Variants in CECR2 observed in about 807,000 individuals in gnomAD.
CECR2 encodes chromatin remodeling regulator CECR2.
In CECR2, 30 loss-of-function variants were observed where a neutral mutation model predicts 154.5. The observed-to-expected ratio is 0.19, with a 90% CI of 0.15 to 0.26. The LOEUF is 0.26. Among genes scored for constraint, CECR2 ranks in the 10% least tolerant of loss-of-function variants. The pLI is 1.00. For synonymous variants in CECR2, 725 were observed against 683.7 expected, an observed-to-expected ratio of 1.06 and a Z score of -0.94; for missense variants, 1,743 against 1,829.3, an observed-to-expected ratio of 0.95 and a Z score of 0.86.
At chr22:17,449,741 G>A (rs556683397) in intron 1 of CECR2, among the ~76,000 whole-genome samples, 21 of 151,664 alleles carry the variant, frequency 1.4e-4, no homozygotes, top group African/African-American at 4.4e-4. Flanking sequence ...TGCCCGCCTC[G>A]GCCTCCCAAA....
At chr22:17,475,904 C>T (rs80053119) in intron 1 of CECR2, among the ~76,000 whole-genome samples, 1 of 151,884 alleles carries the variant, frequency 6.6e-6, no homozygotes, top group Non-Finnish European at 1.5e-5. Flanking sequence ...CATCTCCCCT[C>T]CCACCCTCTA....
At position 17,438,493 on chromosome 22, in the gene CECR2, A is replaced by G. The variant is rs1039979818; in HGVS notation, c.127-39095A>G. Among the ~76,000 whole-genome samples, 4 of 152,242 alleles carry G rather than the reference A, an allele frequency of 2.6e-5. 1 individual carries two copies. Among genetic ancestry groups the G allele is most frequent in the Admixed American group, 2.6e-4 (4 of 15,290 alleles). On this transcript the variant is annotated intron_variant, in intron 1 of 18. Coordinates refer to ENST00000262608, the MANE Select transcript of CECR2 (RefSeq NM_001290047.2). ...ACAACTTACTCAATTTAACATCAAA[A>G]TGAGCCCAAAATGTTTTCCCATAAG...
intron 1 of CECR2, among the ~76,000 whole-genome samples, chr22:17,382,170 G>C (rs112011994): frequency 2.7e-4 from 41 of 151,926 alleles, no homozygotes; most frequent in Non-Finnish European, 4.7e-4. Context: ...GATTACAGGC[G>C]TGAGCCACTG....
chr22:17,488,968 GA>G (rs2055475319), intron 2 of CECR2, among the ~76,000 whole-genome samples: 1 of 152,116 alleles, frequency 6.6e-6, no homozygotes, highest in African/African-American at 2.4e-5. Flanking sequence ...TTATTTGTTT[GA>G]GACAAGAGTT....
chr22:17,507,643 T>C (rs146704532), intron 7 of CECR2, among the ~76,000 whole-genome samples: 1 of 152,304 alleles, frequency 6.6e-6, no homozygotes, highest in East Asian at 1.9e-4. Flanking sequence ...TGATTTTGAT[T>C]AAAAATTTCA....
intron 9 of CECR2, among the ~76,000 whole-genome samples, chr22:17,532,971 C>G (rs1018371240): frequency 5.9e-5 from 9 of 151,418 alleles, no homozygotes; most frequent in African/African-American, 1.9e-4. Flanking sequence ...TCCACTGCGC[C>G]TAGCCGCTCA....
chr22:17,543,844 C>T (rs570428524), intron 16 of CECR2, among the ~76,000 whole-genome samples: 1 of 152,274 alleles, frequency 6.6e-6, no homozygotes, highest in Non-Finnish European at 1.5e-5. Context: ...CAGGCATGAG[C>T]CTTCCAGAGA....
At chr22:17,526,499 A>G (rs2056267104) in intron 9 of CECR2, among the ~76,000 whole-genome samples, 1 of 152,174 alleles carries the variant, frequency 6.6e-6, no homozygotes, top group Non-Finnish European at 1.5e-5. Flanking sequence ...ACAAAAATAA[A>G]ATCAAAGTGG....
At chr22:17,403,181 T>G (rs921807342) in intron 1 of CECR2, among the ~76,000 whole-genome samples, 1 of 152,248 alleles carries the variant, frequency 6.6e-6, no homozygotes, top group Non-Finnish European at 1.5e-5. Flanking sequence ...TAATACTGTT[T>G]ACTTAGCTGC....
chr22:17,548,449 G>T lies in CECR2; in HGVS notation c.3162G>T (p.Glu1054Asp), dbSNP rs1344217120. The T allele has an allele frequency of 6.2e-7, 1 of 1,613,940 alleles. No individual in the cohort carries two copies. The highest frequency in any genetic ancestry group is 1.3e-5 in the African/African-American group (1 of 74,956). Residue 1054 changes from glutamate (E) to aspartate (D), a missense_variant, in exon 17 of 19, where the codon GAG becomes GAT. Coordinates refer to ENST00000262608, the MANE Select transcript of CECR2 (RefSeq NM_001290047.2). ...TGGCAGACAGGGGCGCTCTATCCGA[G>T]AACGGAGTCATTGGGGAAGCATCTC... is the stretch of plus-strand genomic sequence containing the variant. ...STVADRGALS[E>D]NGVIGEASPC...
At position 17,442,476 on chromosome 22, in the gene CECR2, C is replaced by T. The variant is rs573469053; in HGVS notation, c.127-35112C>T. ...TTGTAGTCCTAGCTACTAGGGAGGC[C>T]GAGGCAGGAGGATCACTGGAGCCCA... is the stretch of plus-strand genomic sequence containing the variant. On this transcript the variant is annotated intron_variant, in intron 1 of 18. Transcript: ENST00000262608. Among the ~76,000 whole-genome samples, 77 of 152,202 alleles carry T rather than the reference C, an allele frequency of 5.1e-4. 2 individuals carry two copies. Among genetic ancestry groups the T allele is most frequent in the Admixed American group, 4.0e-3 (61 of 15,280 alleles).
chr22:17,548,883 G>T lies in CECR2; in HGVS notation c.3596G>T (p.Arg1199Leu). 1 of 1,613,028 alleles carries T rather than the reference G, an allele frequency of 6.2e-7. No homozygotes were observed. Among genetic ancestry groups the T allele is most frequent in the Non-Finnish European group, 8.5e-7 (1 of 1,179,330 alleles). The change falls in exon 17 of 19, where the codon CGA (arginine) becomes CTA (leucine). Residue 1199 changes from arginine (R) to leucine (L), a missense_variant. Arg to Leu is a moderately radical substitution (Grantham distance 102). Around this residue, in one of 4 missense-constraint regions of CECR2, gnomAD observed 1,250 missense variants for 1,192.1 expected, o/e 1.05. Coordinates refer to ENST00000262608, the MANE Select transcript of CECR2 (RefSeq NM_001290047.2). Reference sequence around the variant, plus strand: ...CAGCCTTCCTACCACCACTATCAGCGAACTCCTTACTATGCCTGTCCACAG... The same window carrying T: ...CAGCCTTCCTACCACCACTATCAGCTAACTCCTTACTATGCCTGTCCACAG... Reference protein sequence around the residue: ...PPQPSYHHYQRTPYYACPQSF... With the variant: ...PPQPSYHHYQLTPYYACPQSF...
chr22:17,376,265 C>T (rs1369752622), intron 1 of CECR2, among the ~76,000 whole-genome samples: 1 of 152,176 alleles, frequency 6.6e-6, no homozygotes, highest in African/African-American at 2.4e-5. Flanking sequence ...GCTTCAAAGG[C>T]TTCACAGTTG....
chr22:17,495,082 T>G (rs2055599125), intron 2 of CECR2, among the ~76,000 whole-genome samples: 1 of 152,218 alleles, frequency 6.6e-6, no homozygotes, highest in Admixed American at 6.5e-5. Flanking sequence ...TACCATAGAT[T>G]ATAAGTCAAC....
chr22:17,542,435 G>A lies in CECR2; in HGVS notation c.2292G>A (p.Lys764=). The change falls in exon 16 of 19, where the codon AAG becomes AAA. Residue 764 remains lysine (K), a synonymous_variant. Coordinates refer to ENST00000262608, the MANE Select transcript of CECR2 (RefSeq NM_001290047.2). ...CCAGCCATATGTATCGATCGTACAA[G>A]TACCTGAATCGAGTACACTCTGCCG... ...IPPSHMYRSY[K]YLNRVHSAVW... The A allele has an allele frequency of 6.2e-7, 1 of 1,613,934 alleles. No homozygotes were observed. The highest frequency in any genetic ancestry group is 8.5e-7 in the Non-Finnish European group (1 of 1,179,890).
At chr22:17,377,049 T>C (rs1204825922) in intron 1 of CECR2, among the ~76,000 whole-genome samples, 1 of 152,202 alleles carries the variant, frequency 6.6e-6, no homozygotes, top group Non-Finnish European at 1.5e-5. Flanking sequence ...ATCTATAGAC[T>C]CAGTGATTCC....
At chr22:17,478,233 A>C (rs1307739801) in intron 2 of CECR2, among the ~76,000 whole-genome samples, 2 of 152,174 alleles carry the variant, frequency 1.3e-5, no homozygotes, top group Non-Finnish European at 2.9e-5. Context: ...ACAGAACTAC[A>C]GGGCAAACTC....
At chr22:17,450,648 C>A (rs1006898611) in intron 1 of CECR2, among the ~76,000 whole-genome samples, 1 of 152,246 alleles carries the variant, frequency 6.6e-6, no homozygotes, top group Non-Finnish European at 1.5e-5. Flanking sequence ...TGTGCGTATA[C>A]AACCATTATC....
intron 1 of CECR2, among the ~76,000 whole-genome samples, chr22:17,361,989 T>C (rs116377571): frequency 1.3e-3 from 200 of 152,086 alleles, no homozygotes; most frequent in African/African-American, 4.5e-3. Context: ...TAGGCCATAG[T>C]GGTTAGGGAA....
Sources: gnomAD v4.1 joint callset for allele counts (sites outside exome capture counted in the v4.1 genomes callset) on GRCh38, gnomAD v4.1.1 for gene constraint, gnomAD v4.1.1 regional missense constraint, MANE v1.5 for transcripts, NCBI Gene and HGNC (gene_info 2026-07-23, HGNC 2026-07-21) for gene names.